Variants in DNAH7 observed in about 807,000 individuals in gnomAD.
The protein encoded by DNAH7 is dynein axonemal heavy chain 7.
A neutral mutation model predicts 444.6 loss-of-function variants in DNAH7; 397 were observed. That is an observed-to-expected ratio of 0.89 (90% CI 0.82 to 0.97). The LOEUF is 0.97. DNAH7 is among the 50% of genes least tolerant of loss of function. The pLI, the probability that DNAH7 is intolerant of heterozygous loss-of-function variation, is 0.00. For missense variants in DNAH7, 4,902 were observed against 4,800.8 expected (o/e 1.02, Z -0.62); for synonymous variants, 1,636 against 1,624.4 (o/e 1.01, Z -0.17).
intron 22 of DNAH7, among the ~76,000 whole-genome samples, chr2:195,924,773 A>C (rs1428811955): frequency 6.6e-6 from 1 of 152,152 alleles, no homozygotes; most frequent in Admixed American, 6.5e-5. Context: ...CAAAACATTG[A>C]ATATGTTAGT....
intron 63 of DNAH7, 179 bp from the exon 64 acceptor site, chr2:195,741,048 A>C (rs1380938767): frequency 3.3e-6 from 1 of 306,186 alleles, no homozygotes; most frequent in African/African-American, 2.2e-5. Flanking sequence ...AAGAACATTG[A>C]AACTTTGCCT....
At chr2:196,049,049 G>C (rs1282440162) in intron 3 of DNAH7, among the ~76,000 whole-genome samples, 2 of 152,158 alleles carry the variant, frequency 1.3e-5, no homozygotes, top group Non-Finnish European at 2.9e-5. Flanking sequence ...CAAACCTACT[G>C]TTGCTGAAGC....
At chr2:195,958,503 G>T (rs1690851981) in intron 18 of DNAH7, among the ~76,000 whole-genome samples, 1 of 152,102 alleles carries the variant, frequency 6.6e-6, no homozygotes, top group Non-Finnish European at 1.5e-5. Flanking sequence ...TGTGTGGGGG[G>T]TCAGCGCCCC....
chr2:196,052,288 G>A (rs1427470500), intron 2 of DNAH7, among the ~76,000 whole-genome samples: 1 of 152,236 alleles, frequency 6.6e-6, no homozygotes, highest in Non-Finnish European at 1.5e-5. Context: ...CCTAGAGGGA[G>A]TGGCTGCTCC....
Position 195,796,727 on chromosome 2 carries a change from C to G in DNAH7, c.10364G>C (p.Gly3455Ala), listed in dbSNP as rs1269583984. 6.2e-7 allele frequency: 1 copy of G among 1,613,602 alleles called. No individual in the cohort carries two copies. Among genetic ancestry groups the G allele is most frequent in the Non-Finnish European group, 8.5e-7 (1 of 1,179,726 alleles). The change falls in exon 56 of 65, where the codon GGA becomes GCA. Residue 3455 changes from glycine to alanine, a missense_variant. Physicochemically the swap from Gly to Ala is moderately conservative, Grantham distance 60. Transcript: ENST00000312428. ...LKFADDQGYG[G>A]SKLSSLSLGQ... Reference sequence around the variant, plus strand: ...AAGAGATAAAGAGCTAAGTTTTGATCCCCCATATCCCTGTGTACAAGAATA... The same window carrying G: ...AAGAGATAAAGAGCTAAGTTTTGATGCCCCATATCCCTGTGTACAAGAATA...
chr2:195,737,795 A>AATTC lies in DNAH7; in HGVS notation c.*122_*125dup. 1.2e-6 allele frequency: 1 copy of AATTC among 800,310 alleles called. No individual in the cohort carries two copies. Among genetic ancestry groups the AATTC allele is most frequent in the South Asian group, 1.9e-5 (1 of 53,266 alleles). 49.6% of individuals were successfully genotyped at this position (800,310 alleles called of 1,614,324 possible). ...GTTTAGCTGCATTTGCTCATAAGTA[A>AATTC]ATTCATAATTATAACTTTAGTCAAA... On this transcript the variant is annotated 3_prime_UTR_variant, in exon 65 of 65. Transcript: ENST00000312428.
Position 195,808,785 on chromosome 2 carries a change from G to A in DNAH7, c.9980C>T (p.Ser3327Phe), listed in dbSNP as rs748580627. The A allele has an allele frequency of 6.2e-7, 1 of 1,613,988 alleles. No individual in the cohort carries two copies. The highest frequency in any genetic ancestry group is 1.1e-5 in the South Asian group (1 of 91,074). ...ANLCTWLPQK[S>F]WDEICRLDDL... ...ATCTAATCGACATATTTCATCCCAGGATTTCTGAGGAAGCCATGTACAAAG... is the reference window on the plus strand; with the variant it reads ...ATCTAATCGACATATTTCATCCCAGAATTTCTGAGGAAGCCATGTACAAAG... The change falls in exon 53 of 65, where the codon TCC becomes TTC. Residue 3327 changes from serine to phenylalanine, a missense_variant. Transcript: ENST00000312428.
chr2:195,921,949 G>A (rs1343670739), intron 24 of DNAH7, 139 bp downstream of exon 24: 15 of 563,232 alleles, frequency 2.7e-5, no homozygotes, highest in Non-Finnish European at 4.4e-5. Flanking sequence ...ACAAACCTGA[G>A]AGGAAAATCA....
intron 51 of DNAH7, among the ~76,000 whole-genome samples, chr2:195,810,095 C>T (rs1279621863): frequency 6.6e-6 from 1 of 151,210 alleles, no homozygotes; most frequent in Non-Finnish European, 1.5e-5. Context: ...TTTTTTAAAA[C>T]TTAATCTTCC....
At chr2:196,041,220 A>T (rs2125829425) in intron 5 of DNAH7, among the ~76,000 whole-genome samples, 1 of 152,168 alleles carries the variant, frequency 6.6e-6, no homozygotes, top group Admixed American at 6.5e-5. Context: ...TTTATATGGA[A>T]CCACAAAAGA....
intron 19 of DNAH7, among the ~76,000 whole-genome samples, chr2:195,947,335 G>A (rs772428091): frequency 1.3e-4 from 20 of 151,860 alleles, no homozygotes; most frequent in Non-Finnish European, 1.0e-4. Context: ...GGATACATGT[G>A]CAGAACGTGC....
At chr2:196,036,729 T>A (rs1696418526) in intron 5 of DNAH7, among the ~76,000 whole-genome samples, 1 of 152,128 alleles carries the variant, frequency 6.6e-6, no homozygotes, top group African/African-American at 2.4e-5. Context: ...CTGGGTGTGA[T>A]CCATTCTAGC....
At chr2:195,861,677 T>C (rs375124805) in intron 42 of DNAH7, 40 bp downstream of exon 42, 57 of 1,420,250 alleles carry the variant, frequency 4.0e-5, no homozygotes, top group Middle Eastern at 3.7e-4. Context: ...GTATTTTTAA[T>C]TGCCATAGCT....
chr2:195,773,403 C>A (rs1169609657), intron 60 of DNAH7, among the ~76,000 whole-genome samples: 1 of 130,748 alleles, frequency 7.6e-6, no homozygotes, highest in African/African-American at 2.8e-5. Context: ...CATATTCTAA[C>A]AAGAGCTGTG....
intron 48 of DNAH7, among the ~76,000 whole-genome samples, chr2:195,829,462 C>T (rs1055849872): frequency 6.6e-6 from 1 of 151,962 alleles, no homozygotes; most frequent in African/African-American, 2.4e-5. Context: ...TAAACAATAA[C>T]AGTCATAACA....
At position 195,827,050 on chromosome 2, in the gene DNAH7, T is replaced by C. The variant is rs1185050328; in HGVS notation, c.9101-2605A>G. Among the ~76,000 whole-genome samples, 3 of 152,062 alleles carry C rather than the reference T, an allele frequency of 2.0e-5. No individual in the cohort carries two copies. In the South Asian group the frequency reaches 6.2e-4, roughly 32 times the overall value. ...ACAGTAATTTGAGCAAACCCAACCA[T>C]AGTCATATGGCCATATATAACCACA... On this transcript the variant is annotated intron_variant, in intron 48 of 64. Transcript: ENST00000312428.
intron 1 of DNAH7, among the ~76,000 whole-genome samples, chr2:196,058,635 A>AAAG (rs10677913): frequency 0.23 from 35,306 of 152,040 alleles, 7,301 homozygotes; most frequent in African/African-American, 0.56. Context: ...AAATTTAACA[A>AAAG]AAGTGTAAGA....
chr2:195,797,893 A>C (rs1696239692), intron 55 of DNAH7, among the ~76,000 whole-genome samples: 1 of 152,130 alleles, frequency 6.6e-6, no homozygotes, highest in African/African-American at 2.4e-5. Flanking sequence ...ATCTCCTCCA[A>C]TCACCACAGC....
At chr2:195,915,823 G>A (rs1037019190) in intron 24 of DNAH7, among the ~76,000 whole-genome samples, 2 of 152,076 alleles carry the variant, frequency 1.3e-5, no homozygotes, top group Admixed American at 6.6e-5. Context: ...CAAGGAGCAG[G>A]AAATAATCAG....
Sources: gnomAD v4.1 joint callset for allele counts (sites outside exome capture counted in the v4.1 genomes callset) on GRCh38, gnomAD v4.1.1 for gene constraint, MANE v1.5 for transcripts, NCBI Gene and HGNC (gene_info 2026-07-23, HGNC 2026-07-21) for gene names.